The following EDEM1 variants were observed in gnomAD, a reference collection of about 807,000 sequenced individuals.
EDEM1 encodes the protein ER degradation-enhancing alpha-mannosidase-like protein 1.
EDEM1 carries 67 observed loss-of-function variants against 74.4 expected under a neutral mutation model. The ratio of observed to expected loss-of-function variants is 0.90; its 90% CI spans 0.74 to 1.10. EDEM1 has a LOEUF of 1.10. Ranked by LOEUF, EDEM1 falls within the 50% of genes least tolerant of loss-of-function variation. EDEM1 has a pLI of 0.00. For missense variants in EDEM1, 926 were observed against 851.6 expected (o/e 1.09, Z -1.09); for synonymous variants, 382 against 335.9 (o/e 1.14, Z -1.50).
intron 11 of EDEM1, among the ~76,000 whole-genome samples, chr3:5,215,331 A>G (rs2055220656): frequency 6.6e-6 from 1 of 151,864 alleles, no homozygotes; most frequent in Non-Finnish European, 1.5e-5. Context: ...AGTCTTAAGC[A>G]TTTAGAGTTT....
intron 1 of EDEM1, among the ~76,000 whole-genome samples, chr3:5,193,127 G>A (rs1269379215): frequency 6.6e-6 from 1 of 152,198 alleles, no homozygotes; most frequent in African/African-American, 2.4e-5. Context: ...AGATCTGGGT[G>A]TGACTCAGGA....
chr3:5,189,983 T>G (rs552280535), intron 1 of EDEM1, among the ~76,000 whole-genome samples: 2 of 78,172 alleles, frequency 2.6e-5, no homozygotes, highest in Admixed American at 1.8e-4. Flanking sequence ...TGTATTTTCT[T>G]TCTTAGTTTT....
intron 4 of EDEM1, 64 bp from the exon 5 acceptor site, chr3:5,202,902 C>G (rs1559296884): frequency 1.1e-5 from 16 of 1,504,188 alleles, no homozygotes; most frequent in Middle Eastern, 1.7e-4. Flanking sequence ...TCTCTGAGAC[C>G]CGGCTTTTCA....
At chr3:5,197,426 G>A (rs780297150) in intron 2 of EDEM1, among the ~76,000 whole-genome samples, 1 of 152,168 alleles carries the variant, frequency 6.6e-6, no homozygotes, top group Non-Finnish European at 1.5e-5. Context: ...ACATTAGTGT[G>A]ATTTCAGAAC....
Position 5,215,984 on chromosome 3 carries a change from C to T in EDEM1, c.*66C>T. 7.2e-7 allele frequency: 1 copy of T among 1,384,260 alleles called. No individual in the cohort carries two copies. Among genetic ancestry groups the T allele is most frequent in the Non-Finnish European group, 1.0e-6 (1 of 990,300 alleles). The allele number at this position is 1,384,260 out of a possible 1,614,324, so 85.7% of individuals were successfully genotyped here. A position where few individuals can be genotyped will look rare whatever the true frequency, so the allele number is the denominator to read the frequency against. ...GACCAAACCCAGACCATGCCAAAGTCCAGTCTGAAATGAAAGGGGACAGAA... is the reference window on the plus strand; with the variant it reads ...GACCAAACCCAGACCATGCCAAAGTTCAGTCTGAAATGAAAGGGGACAGAA... On this transcript the variant is annotated 3_prime_UTR_variant, in exon 12 of 12. Coordinates refer to ENST00000256497, the MANE Select transcript of EDEM1 (RefSeq NM_014674.3).
chr3:5,216,225 T>C lies in EDEM1; in HGVS notation c.*307T>C. On this transcript the variant is annotated 3_prime_UTR_variant, in exon 12 of 12. Transcript: ENST00000256497. The stretch of plus-strand genomic sequence containing the variant: ...CTTTGGATTGATGTTCACAGCTTTA[T>C]ACTTCAGAACCTAAGTCTCTTCACT... 1 of 343,752 alleles carries C rather than the reference T, an allele frequency of 2.9e-6. No homozygotes were observed. The highest frequency in any genetic ancestry group is 5.2e-6 in the Non-Finnish European group (1 of 192,600). The allele number at this position is 343,752 out of a possible 1,614,324, so 21.3% of individuals were successfully genotyped here.
At chr3:5,213,285 T>G in intron 10 of EDEM1, 34 bp from the exon 11 acceptor site, 2 of 1,589,670 alleles carry the variant, frequency 1.3e-6, no homozygotes, top group Non-Finnish European at 1.7e-6. Context: ...TGTGCTACAA[T>G]TATTGGTTGT....
At chr3:5,199,343 A>T (rs965443746) in intron 2 of EDEM1, among the ~76,000 whole-genome samples, 1 of 152,250 alleles carries the variant, frequency 6.6e-6, no homozygotes, top group African/African-American at 2.4e-5. Flanking sequence ...AGGAGTGCCA[A>T]TGATTTTACA....
At chr3:5,202,796 CT>C in intron 4 of EDEM1, among the ~76,000 whole-genome samples, 169 bp from the exon 5 acceptor site, 1 of 152,244 alleles carries the variant, frequency 6.6e-6, no homozygotes, top group Admixed American at 6.5e-5. Flanking sequence ...TTGTTTGTGT[CT>C]TTTAAATTTA....
At chr3:5,201,297 G>T (rs2055031586) in intron 3 of EDEM1, among the ~76,000 whole-genome samples, 3 of 151,720 alleles carry the variant, frequency 2.0e-5, no homozygotes, top group Non-Finnish European at 4.4e-5. Flanking sequence ...AGGACTACTG[G>T]TGTGTGCCAC....
intron 3 of EDEM1, among the ~76,000 whole-genome samples, chr3:5,200,130 C>G (rs1209571190): frequency 1.3e-5 from 2 of 152,072 alleles, no homozygotes; most frequent in African/African-American, 2.4e-5. Context: ...TGAGATTTCA[C>G]CATGTTGGCC....
At chr3:5,206,431 C>G (rs1463846289) in intron 6 of EDEM1, among the ~76,000 whole-genome samples, 1 of 152,244 alleles carries the variant, frequency 6.6e-6, no homozygotes, top group African/African-American at 2.4e-5. Flanking sequence ...TGGTCTCAAA[C>G]TCCTGACCTC....
Position 5,217,418 on chromosome 3 carries a change from T to G in EDEM1, c.*1500T>G, listed in dbSNP as rs1378856471. On this transcript the variant is annotated 3_prime_UTR_variant, in exon 12 of 12. Transcript: ENST00000256497. ...GCACGGTTCTCACCTGTCACTGTTT[T>G]CCCACCTCTAAGGATTTCATGTACA... is the stretch of plus-strand genomic sequence containing the variant. 3.9e-5 allele frequency: 6 copies of G among 152,620 alleles called. No individual in the cohort carries two copies. 9.5% of individuals were successfully genotyped at this position (152,620 alleles called of 1,614,324 possible).
chr3:5,215,886 C>G lies in EDEM1; in HGVS notation c.1942C>G (p.Arg648Gly). 1 of 1,613,036 alleles carries G rather than the reference C, an allele frequency of 6.2e-7. No individual in the cohort carries two copies. Residue 648 changes from arginine to glycine, a missense_variant, in exon 12 of 12, where the codon CGA becomes GGA. Transcript: ENST00000256497. ...CCTGCCCTTAAAGAGCATCTACATG[C>G]GACAGATTGACCAGATGGTTGGTTT... ...YSLPLKSIYM[R>G]QIDQMVGLI
rs377281498 is a variant in EDEM1 at position 5,205,027 on chromosome 3, G to GT, written c.1043-40_1043-39insT. The GT allele has an allele frequency of 1.1e-3, 1,688 of 1,605,316 alleles. 15 individuals carry two copies. The African/African-American group carries it at 0.019, about 18-fold the overall frequency. On this transcript the variant is annotated intron_variant, in intron 5 of 11. Transcript: ENST00000256497. ...TGTCTCCATTCATGTCCTCCCCGAT[G>GT]AGACAGCTGGGACCTCAAGTGCCTT... is the stretch of plus-strand genomic sequence containing the variant.
At chr3:5,209,616 A>G (rs932392573) in intron 8 of EDEM1, among the ~76,000 whole-genome samples, 3 of 152,208 alleles carry the variant, frequency 2.0e-5, no homozygotes, top group African/African-American at 4.8e-5. Flanking sequence ...TTCCCAGAGA[A>G]GTTTTTCTCT....
chr3:5,188,288 C>T lies in EDEM1; in HGVS notation c.483C>T (p.Arg161=), dbSNP rs773156555. 4.5e-6 allele frequency: 7 copies of T among 1,540,238 alleles called. No homozygotes were observed. The South Asian group carries it at 7.2e-5, about 16-fold the overall frequency. ...ACGAGCTCAACCCCATCCACTGCCG[C>T]GGCCGTGGGCCCGACCGCGGGGACC... ...PQDELNPIHC[R]GRGPDRGDPS... is the part of the protein sequence containing the mutation. Residue 161 remains arginine (R), a synonymous_variant, in exon 1 of 12, where the codon CGC becomes CGT. Coordinates refer to ENST00000256497, the MANE Select transcript of EDEM1 (RefSeq NM_014674.3).
At chr3:5,211,388 T>G (rs545987587) in intron 10 of EDEM1, 172 bp downstream of exon 10, 2 of 610,614 alleles carry the variant, frequency 3.3e-6, no homozygotes, top group African/African-American at 3.7e-5. Flanking sequence ...TCTTTCATGG[T>G]TTCCAACCTT....
In EDEM1 at chr3:5,215,907, G is replaced by A. The variant is rs1240315247; in HGVS notation, c.1963G>A (p.Gly655Ser). 2 of 1,612,342 alleles carry A rather than the reference G, an allele frequency of 1.2e-6. No homozygotes were observed. The highest frequency in any genetic ancestry group is 1.7e-6 in the Non-Finnish European group (2 of 1,179,342). Residue 655 changes from glycine to serine, a missense_variant, in exon 12 of 12, where the codon GGT (glycine) becomes AGT (serine). Gly to Ser is a moderately conservative substitution (Grantham distance 56). Transcript: ENST00000256497. The part of the protein sequence containing the change: ...IYMRQIDQMV[G>S]LI ...CATGCGACAGATTGACCAGATGGTT[G>A]GTTTGATTTGATCTGCTCTCTGTGA... is the stretch of plus-strand genomic sequence containing the variant.
Sources: allele counts gnomAD v4.1 joint callset (sites outside exome capture counted in the v4.1 genomes callset), GRCh38; gene constraint gnomAD v4.1.1; transcripts MANE v1.5; gene names NCBI Gene and HGNC (gene_info 2026-07-23, HGNC 2026-07-21).